FRMD6: variants seen among roughly 807,000 people sequenced by gnomAD.
FRMD6 encodes FERM domain containing 6.
Under a neutral mutation model 73.2 loss-of-function variants are expected in FRMD6, and 37 were observed. The ratio of observed to expected loss-of-function variants is 0.51; its 90% confidence interval spans 0.39 to 0.66. FRMD6 has a LOEUF of 0.66. FRMD6 is among the 30% of genes least tolerant of loss of function. The pLI is 0.00. For synonymous variants in FRMD6, 273 were observed against 282.2 expected (o/e 0.97, Z 0.33); for missense variants, 714 against 780.5 (o/e 0.91, Z 1.02).
intron 2 of FRMD6, among the ~76,000 whole-genome samples, chr14:51,571,092 A>G (rs1888111352): frequency 6.6e-6 from 1 of 152,184 alleles, no homozygotes; most frequent in African/African-American, 2.4e-5. Flanking sequence ...CATCCACAGC[A>G]TGGCTGGGCA....
the FRMD6 span, among the ~76,000 whole-genome samples, chr14:51,419,265 C>T: frequency 9.2e-3 from 1,404 of 152,332 alleles, 22 homozygotes; most frequent in African/African-American, 0.032. Flanking sequence ...CTGTGTCAGT[C>T]ACACTGGGAG....
chr14:51,636,560 C>T (rs1309162503), intron 2 of FRMD6, among the ~76,000 whole-genome samples: 2 of 152,136 alleles, frequency 1.3e-5, no homozygotes, highest in Non-Finnish European at 2.9e-5. Context: ...TCCCTAGCCT[C>T]CTCCTGTTTT....
At chr14:51,581,382 C>T (rs1888714060) in intron 2 of FRMD6, among the ~76,000 whole-genome samples, 1 of 152,172 alleles carries the variant, frequency 6.6e-6, no homozygotes, top group African/African-American at 2.4e-5. Flanking sequence ...AGGCAATTCC[C>T]CACTCTCAAG....
At chr14:51,451,642 A>C in the FRMD6 span, among the ~76,000 whole-genome samples, 1 of 152,130 alleles carries the variant, frequency 6.6e-6, no homozygotes, top group Non-Finnish European at 1.5e-5. Flanking sequence ...CAGCCTCCCA[A>C]AGTGCTGGAG....
intron 1 of FRMD6, among the ~76,000 whole-genome samples, chr14:51,537,755 T>C (rs1021996493): frequency 1.3e-5 from 2 of 152,214 alleles, no homozygotes; most frequent in African/African-American, 4.8e-5. Context: ...CCTAATAACG[T>C]AGGATTTTGA....
At chr14:51,519,851 T>G (rs1476789294) in intron 1 of FRMD6, among the ~76,000 whole-genome samples, 4 of 152,172 alleles carry the variant, frequency 2.6e-5, no homozygotes, top group Admixed American at 2.6e-4. Flanking sequence ...AGGGACTCTT[T>G]GCCACAGATA....
chr14:51,676,380 A>G (rs1894391171), intron 1 of FRMD6, among the ~76,000 whole-genome samples: 2 of 152,196 alleles, frequency 1.3e-5, no homozygotes, highest in Admixed American at 6.6e-5. Flanking sequence ...TTCATTAACA[A>G]TACTAGGAGC....
At chr14:51,641,424 G>T (rs1395967383) in intron 2 of FRMD6, among the ~76,000 whole-genome samples, 1 of 152,094 alleles carries the variant, frequency 6.6e-6, no homozygotes, top group Non-Finnish European at 1.5e-5. Context: ...TCCTACCTCT[G>T]TTGAGAAAGA....
At position 51,674,420 on chromosome 14, in the gene FRMD6, T is replaced by C. The variant is rs142746709; in HGVS notation, c.-146-15271T>C. 5.1e-4 allele frequency among the ~76,000 whole-genome samples: 78 copies of C among 152,276 alleles called. No homozygotes were observed. In the East Asian group the frequency reaches 0.015, roughly 29 times the overall value. On this transcript the variant is annotated intron_variant, in intron 1 of 13. Coordinates refer to ENST00000344768, the MANE Select transcript of FRMD6 (RefSeq NM_001267046.2). ...TGAGCGAGTAAGTGAGCCATTTGTG[T>C]TGAGCAGTGGTCCTGCCATGCCTGC...
chr14:51,533,912 A>G (rs531364981), intron 1 of FRMD6, among the ~76,000 whole-genome samples: 1 of 152,262 alleles, frequency 6.6e-6, no homozygotes, highest in East Asian at 1.9e-4. Context: ...ACTTTCTTCA[A>G]TGTGGATCCT....
At chr14:51,624,735 C>A (rs560901839) in intron 2 of FRMD6, among the ~76,000 whole-genome samples, 2 of 152,284 alleles carry the variant, frequency 1.3e-5, no homozygotes, top group South Asian at 4.1e-4. Context: ...TTCACTTACC[C>A]TTCTAAACTG....
At chr14:51,500,714 C>T (rs1361303962) in intron 1 of FRMD6, among the ~76,000 whole-genome samples, 1 of 151,744 alleles carries the variant, frequency 6.6e-6, no homozygotes, top group Non-Finnish European at 1.5e-5. Context: ...GTTAAGGAAC[C>T]CTGAAGGCCA....
the FRMD6 span, among the ~76,000 whole-genome samples, chr14:51,482,116 T>C: frequency 6.6e-6 from 1 of 152,130 alleles, no homozygotes; most frequent in Non-Finnish European, 1.5e-5. Flanking sequence ...TAGCAAAGGG[T>C]AACAGTCTCA....
chr14:51,490,873 C>G (rs17124008), intron 1 of FRMD6, among the ~76,000 whole-genome samples: 1 of 152,142 alleles, frequency 6.6e-6, no homozygotes, highest in African/African-American at 2.4e-5. Flanking sequence ...GCTCAAGCTT[C>G]CTTAAAATCC....
At chr14:51,485,413 T>C (rs1882743346), upstream of FRMD6, among the ~76,000 whole-genome samples, 1 of 152,240 alleles carries the variant, frequency 6.6e-6, no homozygotes, top group Non-Finnish European at 1.5e-5. Context: ...TTTGCAAATA[T>C]GACCACATTC....
the FRMD6 span, among the ~76,000 whole-genome samples, chr14:51,477,423 A>T: frequency 6.6e-6 from 1 of 152,192 alleles, no homozygotes; most frequent in Non-Finnish European, 1.5e-5. Flanking sequence ...TTCTTGAAAA[A>T]AGAATTTTAA....
the FRMD6 span, among the ~76,000 whole-genome samples, chr14:51,426,663 C>T: frequency 6.6e-6 from 1 of 152,274 alleles, no homozygotes; most frequent in East Asian, 1.9e-4. Flanking sequence ...TAAGAGATGC[C>T]AGGTACCGTG....
intron 1 of FRMD6, among the ~76,000 whole-genome samples, chr14:51,525,039 A>AAG (rs760690162): frequency 3.9e-4 from 56 of 143,462 alleles, no homozygotes; most frequent in Non-Finnish European, 6.7e-4. Context: ...GATGGAGAGA[A>AAG]AGAGAGAGAG....
chr14:51,682,292 T>C (rs976262137), intron 1 of FRMD6, among the ~76,000 whole-genome samples: 1 of 152,192 alleles, frequency 6.6e-6, no homozygotes, highest in East Asian at 1.9e-4. Context: ...TGGTCTTCTC[T>C]GCTTATGGTG....
Sources: gnomAD v4.1 joint callset for allele counts (sites outside exome capture counted in the v4.1 genomes callset) on GRCh38, gnomAD v4.1.1 for gene constraint, MANE v1.5 for transcripts, NCBI Gene and HGNC (gene_info 2026-07-23, HGNC 2026-07-21) for gene names.